ALS2: variants seen among roughly 807,000 people sequenced by gnomAD.
The protein encoded by ALS2 is alsin Rho guanine nucleotide exchange factor ALS2.
Under a neutral mutation model 203.4 loss-of-function variants are expected in ALS2, and 117 were observed. That is an observed-to-expected ratio of 0.58 (90% CI 0.50 to 0.67). The LOEUF (loss-of-function observed/expected upper bound fraction) is 0.67. Among genes scored for constraint, ALS2 ranks in the 30% least tolerant of loss-of-function variants. ALS2 has a pLI of 0.00. For synonymous variants in ALS2, 718 were observed against 725.9 expected, an observed-to-expected ratio of 0.99 and a Z score of 0.17; for missense variants, 1,715 against 1,989.4, an observed-to-expected ratio of 0.86 and a Z score of 2.62.
chr2:201,723,513 T>A, intron 21 of ALS2, 72 bp from the exon 22 acceptor site: 4 of 1,304,028 alleles, frequency 3.1e-6, no homozygotes, highest in Non-Finnish European at 4.5e-6. Context: ...AATTATCACA[T>A]GGGAGATCCC....
intron 7 of ALS2, 107 bp downstream of exon 7, chr2:201,753,039 G>A: frequency 1.1e-6 from 1 of 906,996 alleles, no homozygotes; most frequent in African/African-American, 1.6e-5. Flanking sequence ...ATGAGATACG[G>A]TTATCATTGC....
chr2:201,718,091 G>A lies in ALS2; in HGVS notation c.3822C>T (p.Asp1274=). ...TAGTTACTCACAAAACTTTAGGTCTGTCTTTATCACTCTCATATAGACTAG... is the reference window on the plus strand; with the variant it reads ...TAGTTACTCACAAAACTTTAGGTCTATCTTTATCACTCTCATATAGACTAG... ...FKPSLYESDK[D]RPKVFRKLGN... is the part of the protein sequence containing the mutation. The change falls in exon 24 of 34, where the codon GAC becomes GAT. Residue 1274 remains aspartate, a synonymous_variant. Coordinates refer to ENST00000264276, the MANE Select transcript of ALS2 (RefSeq NM_020919.4). 6.2e-7 allele frequency: 1 copy of A among 1,613,668 alleles called. No individual in the cohort carries two copies.
At chr2:201,758,759 C>CGTGTGTGT (rs74613232) in intron 4 of ALS2, among the ~76,000 whole-genome samples, 24 of 132,080 alleles carry the variant, frequency 1.8e-4, no homozygotes, top group African/African-American at 4.8e-4. Context: ...TGTGTGTGCG[C>CGTGTGTGT]ATGTGTGTGT....
In ALS2 at chr2:201,761,432, G is replaced by A; in HGVS notation, c.562C>T (p.Pro188Ser). The A allele has an allele frequency of 6.2e-7, 1 of 1,607,654 alleles. No individual in the cohort carries two copies. Among genetic ancestry groups the A allele is most frequent in the Non-Finnish European group, 8.5e-7 (1 of 1,175,164 alleles). Residue 188 changes from proline (P) to serine (S), a missense_variant, in exon 4 of 34, where the codon CCA becomes TCA. Transcript: ENST00000264276. The part of the protein sequence containing the change: ...CQLGLITTAF[P>S]VTKPQKVEHL... ...TCTACCTTTTGCGGCTTTGTCACTGGGAAGGCAGTGGTAATGAGACCCAAC... is the reference window on the plus strand; with the variant it reads ...TCTACCTTTTGCGGCTTTGTCACTGAGAAGGCAGTGGTAATGAGACCCAAC...
At chr2:201,737,210 A>G (rs1691928664) in intron 12 of ALS2, among the ~76,000 whole-genome samples, 1 of 152,214 alleles carries the variant, frequency 6.6e-6, no homozygotes, top group African/African-American at 2.4e-5. Flanking sequence ...ATTAGATGTT[A>G]TAAGTAATCT....
intron 3 of ALS2, 137 bp downstream of exon 3, chr2:201,767,092 T>TA (rs1211784873): frequency 1.0e-6 from 1 of 996,092 alleles, no homozygotes; most frequent in Non-Finnish European, 1.5e-6. Context: ...TAAAGCATAA[T>TA]AATAATAAAA....
chr2:201,715,691 G>A lies in ALS2; in HGVS notation c.3985C>T (p.Arg1329Trp), dbSNP rs372763746. 26 of 1,614,006 alleles carry A rather than the reference G, an allele frequency of 1.6e-5. No individual in the cohort carries two copies. In the East Asian group the frequency reaches 3.1e-4, roughly 19 times the overall value. ...DNIAVALTTS[R>W]RQHRDSPEIL... ...ACTCACCTGTCTCTGTGCTGGCGCC[G>A]ACTGGTGGTCAAGGCCACAGCAATA... Residue 1329 changes from arginine (R) to tryptophan (W), a missense_variant, in exon 25 of 34, where the codon CGG becomes TGG. Around this residue, in one of 3 missense-constraint regions of ALS2, gnomAD observed 1,227 missense variants for 1,413.5 expected, o/e 0.87. Coordinates refer to ENST00000264276, the MANE Select transcript of ALS2 (RefSeq NM_020919.4).
chr2:201,728,801 A>C (rs942252231), intron 14 of ALS2, among the ~76,000 whole-genome samples, 161 bp from the exon 15 acceptor site: 1 of 152,148 alleles, frequency 6.6e-6, no homozygotes, highest in African/African-American at 2.4e-5. Flanking sequence ...CACTTCACAA[A>C]ATTAGAGCTC....
intron 8 of ALS2, among the ~76,000 whole-genome samples, chr2:201,749,430 T>C (rs1476656469): frequency 6.6e-6 from 1 of 152,180 alleles, no homozygotes; most frequent in African/African-American, 2.4e-5. Context: ...CCTAGAAACA[T>C]GTTTTAAAAG....
At chr2:201,711,371 T>C (rs1159071131) in intron 25 of ALS2, among the ~76,000 whole-genome samples, 2 of 152,210 alleles carry the variant, frequency 1.3e-5, no homozygotes, top group Admixed American at 6.5e-5. Flanking sequence ...CATTCTACAA[T>C]GAAGATTCTA....
intron 25 of ALS2, among the ~76,000 whole-genome samples, chr2:201,711,712 T>C (rs961730573): frequency 7.2e-5 from 11 of 152,208 alleles, no homozygotes; most frequent in African/African-American, 2.4e-4. Flanking sequence ...TTTTTGGTAA[T>C]AGTGTTCTAT....
chr2:201,718,304 G>A, intron 23 of ALS2, 94 bp from the exon 24 acceptor site: 1 of 1,393,696 alleles, frequency 7.2e-7, no homozygotes, highest in Non-Finnish European at 1.0e-6. Context: ...CTGTTGCCCA[G>A]GCTGGAGTGC....
chr2:201,744,292 G>T lies in ALS2; in HGVS notation c.2136C>A (p.Ile712=). 1.9e-6 allele frequency: 3 copies of T among 1,614,104 alleles called. No homozygotes were observed. Among genetic ancestry groups the T allele is most frequent in the Admixed American group, 1.7e-5 (1 of 60,022 alleles). Residue 712 remains isoleucine, a synonymous_variant, in exon 10 of 34, where the codon ATC becomes ATA. Transcript: ENST00000264276. ...ERRFYSKLSD[I]KSQILRPLLS... ...GAAGAGGCCTGAGAATCTGAGATTTGATATCACTTAGTTTTGAATAGAATC... is the reference window on the plus strand; with the variant it reads ...GAAGAGGCCTGAGAATCTGAGATTTTATATCACTTAGTTTTGAATAGAATC...
rs758938905 is a variant in ALS2, at chr2:201,741,863, AAAT to A, written c.2171-12_2171-10del. ...TGTAGTGCCCAAATTTTCTATAACA[AAAT>A]AATGATGATGATGACAACACAAACT... On this transcript the variant is annotated splice_polypyrimidine_tract_variant and intron_variant, in intron 10 of 33. Coordinates refer to ENST00000264276, the MANE Select transcript of ALS2 (RefSeq NM_020919.4). 6.2e-6 allele frequency: 10 copies of A among 1,606,590 alleles called. No individual in the cohort carries two copies. The highest frequency in any genetic ancestry group is 1.7e-5 in the Admixed American group (1 of 59,748).
At chr2:201,767,466 C>T (rs1270042018) in intron 2 of ALS2, 83 bp from the exon 3 acceptor site, 1 of 1,471,638 alleles carries the variant, frequency 6.8e-7, no homozygotes, top group Non-Finnish European at 9.4e-7. Context: ...ATGATTGTAC[C>T]TTTTACCAGC....
intron 3 of ALS2, among the ~76,000 whole-genome samples, chr2:201,766,946 G>C (rs1332160347): frequency 1.4e-5 from 2 of 146,392 alleles, no homozygotes; most frequent in Admixed American, 6.8e-5. Context: ...CTGTTGTGGG[G>C]TGGAGGGAGC....
rs561810001 is a variant in ALS2, at chr2:201,746,509, A to G, written c.1998+57T>C. On this transcript the variant is annotated intron_variant, in intron 9 of 33. Coordinates refer to ENST00000264276, the MANE Select transcript of ALS2 (RefSeq NM_020919.4). The stretch of plus-strand genomic sequence containing the variant: ...GCCATACATACAAATAAAAACAAAA[A>G]CAAAAGACTTCTTATGTGTTACTGA... 3.8e-6 allele frequency: 6 copies of G among 1,598,364 alleles called. No homozygotes were observed. In the Admixed American group the frequency reaches 1.0e-4, roughly 27 times the overall value.
intron 20 of ALS2, 150 bp from the exon 21 acceptor site, chr2:201,724,609 C>T: frequency 1.2e-6 from 1 of 860,070 alleles, no homozygotes. Flanking sequence ...TTAAAAAAAC[C>T]TCATTTTCGA....
intron 1 of ALS2, among the ~76,000 whole-genome samples, chr2:201,778,859 G>A (rs1694772770): frequency 6.6e-6 from 1 of 152,118 alleles, no homozygotes; most frequent in Non-Finnish European, 1.5e-5. Context: ...AGTACCCAAA[G>A]CGGGCCTTCC....
Sources: allele counts gnomAD v4.1 joint callset (sites outside exome capture counted in the v4.1 genomes callset), GRCh38; gene constraint gnomAD v4.1.1; regional missense constraint gnomAD v4.1.1; transcripts MANE v1.5; gene names NCBI Gene and HGNC (gene_info 2026-07-23, HGNC 2026-07-21).